Variants in DGKB observed in about 807,000 individuals in gnomAD.
The protein encoded by DGKB is 90 kDa diacylglycerol kinase.
In DGKB, 67 loss-of-function variants were observed where a neutral mutation model predicts 114.3. That is an observed-to-expected ratio of 0.59 (90% CI 0.48 to 0.72). The LOEUF is 0.72. Among genes scored for constraint, DGKB ranks in the 30% least tolerant of loss-of-function variants. DGKB has a pLI of 0.00. For synonymous variants in DGKB, 398 were observed against 323.1 expected (o/e 1.23, Z -2.49); for missense variants, 907 against 975.2 (o/e 0.93, Z 0.93).
chr7:14,420,538 T>C (rs1427055180), intron 21 of DGKB, among the ~76,000 whole-genome samples: 1 of 152,068 alleles, frequency 6.6e-6, no homozygotes, highest in Non-Finnish European at 1.5e-5. Flanking sequence ...CTATTTTTTC[T>C]CTGTACTTCT....
chr7:14,897,610 A>G (rs1043240729), intron 1 of DGKB, among the ~76,000 whole-genome samples: 1 of 151,960 alleles, frequency 6.6e-6, no homozygotes, highest in African/African-American at 2.4e-5. Context: ...ACCAGAAAAT[A>G]GGTATCAGTA....
intron 4 of DGKB, among the ~76,000 whole-genome samples, chr7:14,741,590 G>A (rs900595957): frequency 6.6e-6 from 1 of 152,170 alleles, no homozygotes; most frequent in Non-Finnish European, 1.5e-5. Context: ...ATACCTGTGT[G>A]ACTTCTACCA....
At chr7:14,341,346 A>G (rs996526289) in intron 22 of DGKB, among the ~76,000 whole-genome samples, 2 of 151,856 alleles carry the variant, frequency 1.3e-5, no homozygotes, top group Non-Finnish European at 2.9e-5. Context: ...GAGACCAGTA[A>G]TTGTAGCACA....
intron 23 of DGKB, among the ~76,000 whole-genome samples, chr7:14,283,312 T>G (rs533263491): frequency 0.024 from 3,642 of 151,360 alleles, 135 homozygotes; most frequent in African/African-American, 0.083. Flanking sequence ...ACAAGGGATG[T>G]GAAGGACCTC....
intron 2 of DGKB, among the ~76,000 whole-genome samples, chr7:14,776,182 C>A (rs1838146849): frequency 1.3e-5 from 2 of 152,034 alleles, no homozygotes; most frequent in African/African-American, 4.8e-5. Flanking sequence ...TTTAATGTAT[C>A]TGATGGAAAA....
chr7:14,605,543 TA>T (rs1398664865), intron 17 of DGKB, among the ~76,000 whole-genome samples: 2 of 151,772 alleles, frequency 1.3e-5, no homozygotes, highest in African/African-American at 4.8e-5. Flanking sequence ...AATTTTTTTC[TA>T]AATAATATTC....
rs1257033274 is a variant in DGKB, at chr7:14,145,273, G to A, written c.*3858C>T. ...CACAAAATAAAAGCTCTTTTACAGG[G>A]TTTTATTTATTTATTTTCTTAAAGT... On this transcript the variant is annotated 3_prime_UTR_variant, in exon 26 of 26. Coordinates refer to ENST00000402815, the MANE Select transcript of DGKB (RefSeq NM_001350709.2). 1 of 151,730 alleles carries A rather than the reference G, an allele frequency of 6.6e-6. No homozygotes were observed. The highest frequency in any genetic ancestry group is 2.1e-4 in the South Asian group (1 of 4,796). 9.4% of individuals were successfully genotyped at this position (151,730 alleles called of 1,614,324 possible). A position where few individuals can be genotyped will look rare whatever the true frequency, so the allele number is the denominator to read the frequency against.
chr7:14,328,991 G>T (rs1429178334), intron 23 of DGKB, among the ~76,000 whole-genome samples: 1 of 151,942 alleles, frequency 6.6e-6, no homozygotes, highest in South Asian at 2.1e-4. Context: ...ATTACTCTCA[G>T]TGTGGTGGGA....
At chr7:14,694,962 G>C (rs542030305) in intron 8 of DGKB, among the ~76,000 whole-genome samples, 21 of 152,070 alleles carry the variant, frequency 1.4e-4, no homozygotes, top group Non-Finnish European at 2.6e-4. Flanking sequence ...CCATCTAATG[G>C]CGTCAAGATG....
At chr7:14,151,213 C>CTAAA (rs929524055) in intron 25 of DGKB, among the ~76,000 whole-genome samples, 3 of 152,052 alleles carry the variant, frequency 2.0e-5, no homozygotes, top group African/African-American at 4.8e-5. Context: ...AATTTCTGGA[C>CTAAA]TAAATGCTTT....
intron 20 of DGKB, among the ~76,000 whole-genome samples, chr7:14,567,818 G>A (rs1797815265): frequency 2.0e-5 from 3 of 151,506 alleles, no homozygotes; most frequent in South Asian, 4.2e-4. Context: ...TGTTGACCAG[G>A]CTGGCCTTGA....
At chr7:14,319,422 T>A (rs1807305780) in intron 23 of DGKB, among the ~76,000 whole-genome samples, 1 of 152,180 alleles carries the variant, frequency 6.6e-6, no homozygotes, top group Non-Finnish European at 1.5e-5. Flanking sequence ...TTTTGTTTTT[T>A]AAATATAGTT....
At chr7:14,670,306 C>A (rs1818749437) in intron 13 of DGKB, among the ~76,000 whole-genome samples, 1 of 151,290 alleles carries the variant, frequency 6.6e-6, no homozygotes, top group African/African-American at 2.4e-5. Flanking sequence ...TATATACACA[C>A]ACACATTTTT....
chr7:14,658,280 C>G (rs1463467113), intron 13 of DGKB, among the ~76,000 whole-genome samples: 1 of 151,852 alleles, frequency 6.6e-6, no homozygotes, highest in African/African-American at 2.4e-5. Flanking sequence ...ATAGATGGAA[C>G]TGGAGGTCAA....
chr7:14,885,780 T>C (rs543971379), intron 1 of DGKB, among the ~76,000 whole-genome samples: 1 of 152,030 alleles, frequency 6.6e-6, no homozygotes, highest in Non-Finnish European at 1.5e-5. Context: ...AAACTGAACA[T>C]TGTGATTAAA....
At chr7:14,733,778 G>GAAAGAAAGAAAGAAAGAAAGAAAGAAAGA (rs766452135) in intron 5 of DGKB, among the ~76,000 whole-genome samples, 7 of 145,244 alleles carry the variant, frequency 4.8e-5, no homozygotes, top group South Asian at 2.3e-4. Flanking sequence ...AGAAAGAAAG[G>GAAAGAAAGAAAGAAAGAAAGAAAGAAAGA]AAGAAAGAAA....
chr7:14,212,909 G>A (rs11975923), intron 23 of DGKB, among the ~76,000 whole-genome samples: 18 of 151,796 alleles, frequency 1.2e-4, no homozygotes, highest in African/African-American at 2.2e-4. Flanking sequence ...TTTTAAAAAC[G>A]TAAACATTAT....
chr7:14,399,149 A>G (rs1243260321), intron 21 of DGKB, among the ~76,000 whole-genome samples: 1 of 151,528 alleles, frequency 6.6e-6, no homozygotes, highest in African/African-American at 2.4e-5. Flanking sequence ...AAATGGCAAT[A>G]CCACTATTAC....
intron 20 of DGKB, among the ~76,000 whole-genome samples, chr7:14,567,602 T>G (rs1797773695): frequency 8.3e-6 from 1 of 120,118 alleles, no homozygotes; most frequent in Admixed American, 1.2e-4. Context: ...AAGATATATA[T>G]ATATATATAT....
Sources: gnomAD v4.1 joint callset for allele counts (sites outside exome capture counted in the v4.1 genomes callset) on GRCh38, gnomAD v4.1.1 for gene constraint, MANE v1.5 for transcripts, NCBI Gene and HGNC (gene_info 2026-07-23, HGNC 2026-07-21) for gene names.